ARHGEF11: variants seen among roughly 807,000 people sequenced by gnomAD.
ARHGEF11 encodes Rho guanine nucleotide exchange factor 11.
A neutral mutation model predicts 193.7 loss-of-function variants in ARHGEF11; 55 were observed. That is an observed-to-expected ratio of 0.28 (90% CI 0.23 to 0.36). The LOEUF (loss-of-function observed/expected upper bound fraction) is 0.36. Ranked by LOEUF, ARHGEF11 falls within the 10% of genes least tolerant of loss-of-function variation. The pLI is 1.00. For missense variants in ARHGEF11, 1,723 were observed against 2,005.6 expected (o/e 0.86, Z 2.69); for synonymous variants, 693 against 768.0 (o/e 0.90, Z 1.62).
At chr1:157,037,299 A>C (rs1010240186) in intron 1 of ARHGEF11, among the ~76,000 whole-genome samples, 1 of 152,140 alleles carries the variant, frequency 6.6e-6, no homozygotes, top group African/African-American at 2.4e-5. Flanking sequence ...TAGGCTTCCT[A>C]ACCCCAAGCT....
At chr1:157,032,628 G>A (rs1483629578) in intron 1 of ARHGEF11, among the ~76,000 whole-genome samples, 3 of 152,078 alleles carry the variant, frequency 2.0e-5, no homozygotes, top group South Asian at 2.1e-4. Context: ...GACCAGGAGC[G>A]ACATTTTTTT....
In ARHGEF11 at chr1:156,940,259, G is replaced by A; in HGVS notation, c.3681C>T (p.Ala1227=). 2 of 1,611,106 alleles carry A rather than the reference G, an allele frequency of 1.2e-6. No homozygotes were observed. Among genetic ancestry groups the A allele is most frequent in the Non-Finnish European group, 1.7e-6 (2 of 1,177,936 alleles). The change falls in exon 36 of 41, where the codon GCC becomes GCT. Residue 1227 remains alanine (A), a synonymous_variant. Transcript: ENST00000368194. Reference sequence around the variant, plus strand: ...CTTCCATGAACAGAGGGCCTGGGAAGGCCAAGTGGATGGGGTTCCTTGTCC... The same window carrying A: ...CTTCCATGAACAGAGGGCCTGGGAAAGCCAAGTGGATGGGGTTCCTTGTCC... ...GIRTRNPIHL[A]FPGPLFMEGL...
chr1:156,973,883 C>T (rs1173670844), intron 7 of ARHGEF11, among the ~76,000 whole-genome samples: 2 of 152,282 alleles, frequency 1.3e-5, no homozygotes, highest in Middle Eastern at 3.4e-3. Flanking sequence ...ACTGCAATAG[C>T]CTCCTCGATG....
intron 1 of ARHGEF11, among the ~76,000 whole-genome samples, chr1:157,034,396 A>C (rs556781946): frequency 7.2e-4 from 110 of 152,356 alleles, no homozygotes; most frequent in Admixed American, 1.9e-3. Flanking sequence ...CCGGAAATCA[A>C]GCCGCCATGG....
intron 1 of ARHGEF11, among the ~76,000 whole-genome samples, chr1:157,020,063 G>T (rs547208505): frequency 2.0e-5 from 3 of 151,536 alleles, no homozygotes; most frequent in Non-Finnish European, 4.4e-5. Flanking sequence ...GACGGAGCTT[G>T]CAGTGAGCCA....
chr1:156,944,448 C>CCATT lies in ARHGEF11; in HGVS notation c.2992-19_2992-16dup, dbSNP rs5778015. On this transcript the variant is annotated splice_polypyrimidine_tract_variant and intron_variant, in intron 30 of 40. Coordinates refer to ENST00000368194, the MANE Select transcript of ARHGEF11 (RefSeq NM_198236.3). ...AGATCCAGGCTCTGTTAAGGAGACA[C>CCATT]CATTCATTCATTCATTCATTCATTC... 0.037 allele frequency: 54,947 copies of CCATT among 1,503,908 alleles called. 1,004 individuals are homozygous for CCATT. The highest frequency in any genetic ancestry group is 0.052 in the Middle Eastern group (298 of 5,726). 93.2% of individuals were successfully genotyped at this position (1,503,908 alleles called of 1,614,324 possible).
Position 156,984,379 on chromosome 1 carries a change from G to C in ARHGEF11, c.183C>G (p.Val61=). ...QKDQHGFGFT[V]SGDRIVLVQS... ...GCACCAGAACAATGCGATCCCCACT[G>C]ACTGTGAAGCCGAAGCCATGCTGGT... Residue 61 remains valine, a synonymous_variant, in exon 3 of 41, where the codon GTC becomes GTG. Transcript: ENST00000368194. 3.1e-6 allele frequency: 5 copies of C among 1,599,192 alleles called. No homozygotes were observed. The highest frequency in any genetic ancestry group is 4.3e-6 in the Non-Finnish European group (5 of 1,172,868).
At chr1:156,938,676 G>A in intron 37 of ARHGEF11, 163 bp from the exon 38 acceptor site, 1 of 572,340 alleles carries the variant, frequency 1.7e-6, no homozygotes, top group Non-Finnish European at 3.0e-6. Flanking sequence ...ATCCCAGGCA[G>A]TGCAGAGAAC....
At chr1:156,992,542 A>C (rs1209949330) in intron 1 of ARHGEF11, among the ~76,000 whole-genome samples, 1 of 152,210 alleles carries the variant, frequency 6.6e-6, no homozygotes, top group African/African-American at 2.4e-5. Context: ...GTGACCTTCC[A>C]GAGAGCCCAC....
chr1:157,030,534 T>C (rs1671172013), intron 1 of ARHGEF11, among the ~76,000 whole-genome samples: 1 of 152,158 alleles, frequency 6.6e-6, no homozygotes, highest in African/African-American at 2.4e-5. Flanking sequence ...TACCTATCTC[T>C]TTCCTAGTCA....
intron 22 of ARHGEF11, among the ~76,000 whole-genome samples, chr1:156,950,975 A>G (rs752863657): frequency 6.6e-6 from 1 of 152,252 alleles, no homozygotes; most frequent in Non-Finnish European, 1.5e-5. Context: ...AACCTGACCA[A>G]AGAAGAATAT....
intron 36 of ARHGEF11, 72 bp from the exon 37 acceptor site, chr1:156,939,982 C>T (rs1481617959): frequency 4.5e-6 from 7 of 1,567,628 alleles, no homozygotes; most frequent in Non-Finnish European, 6.0e-6. Flanking sequence ...GTTGTACTGC[C>T]CCACTGACCC....
At chr1:156,964,925 A>T (rs985489805) in intron 11 of ARHGEF11, among the ~76,000 whole-genome samples, 2 of 152,158 alleles carry the variant, frequency 1.3e-5, no homozygotes, top group Non-Finnish European at 2.9e-5. Context: ...GATTTTTTTT[A>T]AAGTCTTTAG....
chr1:157,028,600 C>T (rs1165820138), intron 1 of ARHGEF11, among the ~76,000 whole-genome samples: 1 of 152,028 alleles, frequency 6.6e-6, no homozygotes, highest in African/African-American at 2.4e-5. Flanking sequence ...TCCAACTTTC[C>T]CACTTTACAA....
intron 1 of ARHGEF11, among the ~76,000 whole-genome samples, chr1:156,995,722 TA>T (rs35919513): frequency 1.3e-5 from 2 of 150,182 alleles, no homozygotes; most frequent in African/African-American, 4.9e-5. Flanking sequence ...TTTTTTTTTT[TA>T]AATAGAGATG....
Position 156,960,449 on chromosome 1 carries a change from C to T in ARHGEF11, c.1251G>A (p.Val417=), listed in dbSNP as rs775282652. 1.3e-5 allele frequency: 21 copies of T among 1,614,130 alleles called. No individual in the cohort carries two copies. Among genetic ancestry groups the T allele is most frequent in the Non-Finnish European group, 1.8e-5 (21 of 1,180,026 alleles). The change falls in exon 15 of 41, where the codon GTG becomes GTA. Residue 417 remains valine (V), a synonymous_variant. Coordinates refer to ENST00000368194, the MANE Select transcript of ARHGEF11 (RefSeq NM_198236.3). ...IFLEKNAPLR[V]KIPEMLQAEI... The stretch of plus-strand genomic sequence containing the variant: ...CAGCCTGTAGCATCTCAGGGATCTT[C>T]ACTCTCAGAGGCTAAAAAACAGAAG...
In ARHGEF11 at chr1:157,045,019, TA is replaced by T. The variant is rs1277428909; in HGVS notation, c.-690del. 1.8e-3 allele frequency: 234 copies of T among 127,410 alleles called. No homozygotes were observed. The highest frequency in any genetic ancestry group is 1.9e-3 in the Admixed American group (24 of 12,684). 7.9% of individuals were successfully genotyped at this position (127,410 alleles called of 1,614,324 possible). A position where few individuals can be genotyped will look rare whatever the true frequency, so the allele number is the denominator to read the frequency against. ...GGGAACCAAAATTTATGGACTTCCT[TA>T]AAAAAAAAAAAGCTTTTACATTAAA... On this transcript the variant is annotated 5_prime_UTR_variant, in exon 1 of 41. Transcript: ENST00000368194.
At position 156,951,704 on chromosome 1, in the gene ARHGEF11, A is replaced by T; in HGVS notation, c.1799-5T>A. 3.1e-6 allele frequency: 5 copies of T among 1,614,072 alleles called. No individual in the cohort carries two copies. The highest frequency in any genetic ancestry group is 4.2e-6 in the Non-Finnish European group (5 of 1,179,988). On this transcript the variant is annotated splice_polypyrimidine_tract_variant and splice_region_variant and intron_variant, in intron 21 of 40. Transcript: ENST00000368194. ...TCCTCACATTGCCTGGTTTGACTAG[A>T]AGCAAAAAGAAAATGAAGGACACTA...
At chr1:156,946,330 G>A (rs909408118) in intron 28 of ARHGEF11, among the ~76,000 whole-genome samples, 168 bp from the exon 29 acceptor site, 4 of 152,216 alleles carry the variant, frequency 2.6e-5, no homozygotes, top group African/African-American at 9.7e-5. Flanking sequence ...AGAAGGGTGT[G>A]TGGTGGCAGG....
Sources: gnomAD v4.1 joint callset for allele counts (sites outside exome capture counted in the v4.1 genomes callset) on GRCh38, gnomAD v4.1.1 for gene constraint, MANE v1.5 for transcripts, NCBI Gene and HGNC (gene_info 2026-07-23, HGNC 2026-07-21) for gene names.